The following OPA1 variants were observed in gnomAD, a reference collection of about 807,000 sequenced individuals.
The protein encoded by OPA1 is dynamin-like GTPase OPA1, mitochondrial.
In OPA1, 59 loss-of-function variants were observed where a neutral mutation model predicts 152.9. That is an observed-to-expected ratio of 0.39 (90% CI 0.31 to 0.48). OPA1 has a LOEUF of 0.48. Among genes scored for constraint, OPA1 ranks in the 20% least tolerant of loss-of-function variants. OPA1 has a pLI of 0.96. For missense variants in OPA1, 1,008 were observed against 1,216.8 expected (o/e 0.83, Z 2.55); for synonymous variants, 400 against 389.9 (o/e 1.03, Z -0.31).
Position 193,615,101 on chromosome 3 carries a change from A to G in OPA1, c.351+60A>G, listed in dbSNP as rs534640657. 2.0e-4 allele frequency: 266 copies of G among 1,322,288 alleles called. 4 individuals carry two copies. In the South Asian group the frequency reaches 2.6e-3, roughly 13 times the overall value. The allele number at this position is 1,322,288 out of a possible 1,614,324, so 81.9% of individuals were successfully genotyped here. A position where few individuals can be genotyped will look rare whatever the true frequency, so the allele number is the denominator to read the frequency against. ...TATATCATGATTAAGTTTCTATAGC[A>G]TAAATCATTTTTGTGTAGTGGAATA... On this transcript the variant is annotated intron_variant, in intron 2 of 30. Coordinates refer to ENST00000361510, the MANE Select transcript of OPA1 (RefSeq NM_130837.3).
chr3:193,654,998 G>T lies in OPA1; in HGVS notation c.2149G>T (p.Asp717Tyr), dbSNP rs1379001496. The change falls in exon 22 of 31, where the codon GAT becomes TAT. Residue 717 changes from aspartate to tyrosine, a missense_variant. This residue lies in a region of OPA1 where 229 missense variants were observed against 269.0 expected (regional missense o/e 0.85). Coordinates refer to ENST00000361510, the MANE Select transcript of OPA1 (RefSeq NM_130837.3). ...TVDIKLKQWT[D>Y]KQLPNKAVEV... ...GGATATCAAGCTTAAACAGTGGACT[G>T]ATAAACAACTTCCTAATAAAGCAGT... 6.2e-7 allele frequency: 1 copy of T among 1,613,922 alleles called. No individual in the cohort carries two copies. The highest frequency in any genetic ancestry group is 8.5e-7 in the Non-Finnish European group (1 of 1,179,934).
At chr3:193,659,419 A>T in intron 24 of OPA1, 63 bp from the exon 25 acceptor site, 1 of 1,311,972 alleles carries the variant, frequency 7.6e-7, no homozygotes, top group Non-Finnish European at 1.1e-6. Context: ...CAAGACCATT[A>T]TTAGTTATAA....
chr3:193,648,561 G>T, intron 20 of OPA1: 1 of 470,714 alleles, frequency 2.1e-6, no homozygotes, highest in East Asian at 4.1e-5. Context: ...CAAGTGTTAT[G>T]TGAAAAACTG....
At chr3:193,669,751 CTT>C (rs1297570688) in intron 29 of OPA1, among the ~76,000 whole-genome samples, 7 of 152,220 alleles carry the variant, frequency 4.6e-5, no homozygotes, top group African/African-American at 7.2e-5. Context: ...TCATAAGTAT[CTT>C]TTCTTATGTT....
At chr3:193,601,186 G>A (rs1200414774) in intron 1 of OPA1, among the ~76,000 whole-genome samples, 4 of 151,994 alleles carry the variant, frequency 2.6e-5, no homozygotes, top group East Asian at 1.9e-4. Flanking sequence ...TTTAAATTCC[G>A]TACAAATGGT....
At chr3:193,650,304 C>T (rs376771661) in intron 21 of OPA1, among the ~76,000 whole-genome samples, 1 of 152,002 alleles carries the variant, frequency 6.6e-6, no homozygotes, top group Non-Finnish European at 1.5e-5. Flanking sequence ...TGTAAGCTGC[C>T]GGATCATATA....
At chr3:193,668,654 T>C (rs991689662) in intron 29 of OPA1, 4 of 1,488,498 alleles carry the variant, frequency 2.7e-6, no homozygotes, top group African/African-American at 1.4e-5. Flanking sequence ...TCCTCAGTAC[T>C]GGACCAGGCT....
intron 1 of OPA1, among the ~76,000 whole-genome samples, chr3:193,611,479 C>T (rs111261626): frequency 0.024 from 3,671 of 151,630 alleles, 160 homozygotes; most frequent in African/African-American, 0.085. Context: ...CGCCTGTAGT[C>T]GCAGCTACTC....
intron 30 of OPA1, among the ~76,000 whole-genome samples, 195 bp from the exon 31 acceptor site, chr3:193,694,411 C>A (rs1305756790): frequency 6.6e-6 from 1 of 152,082 alleles, no homozygotes; most frequent in East Asian, 1.9e-4. Flanking sequence ...TTAGTATATG[C>A]TTTTAACTTA....
chr3:193,605,315 C>G (rs1303872614), intron 1 of OPA1, among the ~76,000 whole-genome samples: 1 of 152,146 alleles, frequency 6.6e-6, no homozygotes, highest in Non-Finnish European at 1.5e-5. Flanking sequence ...AAATCTGGAA[C>G]AAATCTCCAG....
At chr3:193,631,862 T>C (rs1732132311) in intron 8 of OPA1, 197 bp downstream of exon 8, 1 of 602,564 alleles carries the variant, frequency 1.7e-6, no homozygotes, top group African/African-American at 1.9e-5. Context: ...TGGAGTTAAC[T>C]CATTTATATG....
rs1716174539 is a variant in OPA1, at chr3:193,664,941, G to A, written c.2723G>A (p.Cys908Tyr). The change falls in exon 27 of 31, where the codon TGT becomes TAT. Residue 908 changes from cysteine to tyrosine, a missense_variant. Coordinates refer to ENST00000361510, the MANE Select transcript of OPA1 (RefSeq NM_130837.3). ...RHFLKTALNH[C>Y]NLCRRGFYYY... ...TTTTTAAAAACAGCTCTAAACCATT[G>A]TAACCTTTGTCGAAGAGGTTTTTAT... The A allele has an allele frequency of 6.2e-7, 1 of 1,609,396 alleles. No homozygotes were observed. The highest frequency in any genetic ancestry group is 8.5e-7 in the Non-Finnish European group (1 of 1,176,366).
At chr3:193,668,984 A>G in intron 29 of OPA1, 1 of 451,304 alleles carries the variant, frequency 2.2e-6, no homozygotes, top group Non-Finnish European at 2.9e-6. Flanking sequence ...GCTTCGTGTA[A>G]CAAAGTATCT....
At chr3:193,623,421 T>C (rs1430136655) in intron 6 of OPA1, among the ~76,000 whole-genome samples, 4 of 152,138 alleles carry the variant, frequency 2.6e-5, no homozygotes, top group African/African-American at 9.7e-5. Context: ...CTGGAGTTAT[T>C]ACTAATTTTC....
At chr3:193,645,828 AT>A in intron 18 of OPA1, 28 bp downstream of exon 18, 1 of 1,522,462 alleles carries the variant, frequency 6.6e-7, no homozygotes, top group African/African-American at 1.4e-5. Context: ...ACATTTAAAC[AT>A]TTTACAGTAA....
chr3:193,637,148 TCTTTA>T (rs780058494), intron 9 of OPA1, 42 bp from the exon 10 acceptor site: 13 of 1,019,610 alleles, frequency 1.3e-5, no homozygotes, highest in East Asian at 5.3e-5. Flanking sequence ...TATATTTTTT[TCTTTA>T]CTTTTACTGT....
chr3:193,602,929 G>A (rs1319750481), intron 1 of OPA1, among the ~76,000 whole-genome samples: 1 of 152,176 alleles, frequency 6.6e-6, no homozygotes, highest in Admixed American at 6.5e-5. Context: ...CAGAAAACAT[G>A]CAAACTATTA....
At chr3:193,673,065 G>T (rs575220504) in intron 29 of OPA1, among the ~76,000 whole-genome samples, 1 of 152,138 alleles carries the variant, frequency 6.6e-6, no homozygotes, top group Admixed American at 6.5e-5. Flanking sequence ...TTTTGAGTTA[G>T]GTAGTTATTT....
chr3:193,594,305 A>G (rs1024184706), intron 1 of OPA1, among the ~76,000 whole-genome samples: 12 of 152,184 alleles, frequency 7.9e-5, no homozygotes, highest in Non-Finnish European at 1.3e-4. Context: ...ACTTCTAAGC[A>G]GTTGTTTTGA....
Sources: allele counts gnomAD v4.1 joint callset (sites outside exome capture counted in the v4.1 genomes callset), GRCh38; gene constraint gnomAD v4.1.1; regional missense constraint gnomAD v4.1.1; transcripts MANE v1.5; gene names NCBI Gene and HGNC (gene_info 2026-07-23, HGNC 2026-07-21).